SHANK2: variants seen among roughly 807,000 people sequenced by gnomAD.
SHANK2 encodes SH3 and multiple ankyrin repeat domains 2.
Under a neutral mutation model 133.7 loss-of-function variants are expected in SHANK2, and 43 were observed. That is an observed-to-expected ratio of 0.32 (90% CI 0.25 to 0.41). The LOEUF (loss-of-function observed/expected upper bound fraction) is 0.41, where lower values mean the gene tolerates loss of function less well. Among genes scored for constraint, SHANK2 ranks in the 10% least tolerant of loss-of-function variants. SHANK2 has a pLI of 1.00. For synonymous variants in SHANK2, 1,017 were observed against 952.8 expected (o/e 1.07, Z -1.24); for missense variants, 1,994 against 2,235.8 (o/e 0.89, Z 2.18).
chr11:70,791,356 A>G (rs976623372), intron 14 of SHANK2, among the ~76,000 whole-genome samples: 2 of 152,098 alleles, frequency 1.3e-5, no homozygotes, highest in Admixed American at 6.5e-5. Context: ...TTAAGCACCA[A>G]TTTTCTAGAG....
chr11:70,579,198 CA>C (rs1554984858), intron 17 of SHANK2, among the ~76,000 whole-genome samples: 1 of 152,214 alleles, frequency 6.6e-6, no homozygotes, highest in Non-Finnish European at 1.5e-5. Context: ...ATCCCCAGTC[CA>C]ACCCTGCCCT....
intron 11 of SHANK2, among the ~76,000 whole-genome samples, chr11:70,893,812 C>T (rs75289758): frequency 0.035 from 5,252 of 152,226 alleles, 314 homozygotes; most frequent in African/African-American, 0.12. Context: ...GCCAGTCCTG[C>T]TTCTTTCCTG....
At chr11:71,106,759 C>A (rs772265065) in intron 6 of SHANK2, among the ~76,000 whole-genome samples, 14 of 151,948 alleles carry the variant, frequency 9.2e-5, no homozygotes, top group Non-Finnish European at 1.8e-4. Context: ...GTCAAGGCTG[C>A]AGTGAGCTGT....
intron 15 of SHANK2, among the ~76,000 whole-genome samples, chr11:70,675,383 G>A (rs544818256): frequency 7.9e-5 from 12 of 152,252 alleles, no homozygotes; most frequent in Admixed American, 3.9e-4. Context: ...CTGTGATGAC[G>A]CTCACTTTAC....
intron 17 of SHANK2, among the ~76,000 whole-genome samples, chr11:70,606,645 C>T (rs2060582522): frequency 1.3e-5 from 2 of 151,994 alleles, no homozygotes; most frequent in Admixed American, 6.6e-5. Context: ...AGACTCCCCT[C>T]CTGGGCGTCT....
At chr11:70,875,617 T>G (rs1555071063) in intron 11 of SHANK2, among the ~76,000 whole-genome samples, 7 of 152,082 alleles carry the variant, frequency 4.6e-5, no homozygotes, top group African/African-American at 1.4e-4. Context: ...TCCCAACACT[T>G]TGGGAGGCCA....
intron 2 of SHANK2, among the ~76,000 whole-genome samples, chr11:71,153,781 T>C (rs1952848956): frequency 6.6e-6 from 1 of 151,964 alleles, no homozygotes; most frequent in Non-Finnish European, 1.5e-5. Context: ...GACCAGCCGG[T>C]CAACATGGTA....
Position 70,473,499 on chromosome 11 carries a change from C to G in SHANK2, c.4980-60G>C. 1 of 1,554,978 alleles carries G rather than the reference C, an allele frequency of 6.4e-7. No homozygotes were observed. Among genetic ancestry groups the G allele is most frequent in the Non-Finnish European group, 8.8e-7 (1 of 1,142,502 alleles). The stretch of plus-strand genomic sequence containing the variant: ...CAGGTCACCGAGTCAGGGCAGCTGG[C>G]TGCAGATCACCCAGGAAGGCGAGGG... On this transcript the variant is annotated intron_variant, in intron 25 of 25. Transcript: ENST00000601538. This position sits in a 1 kb window ranked among gnomAD's most constrained non-coding sequence, Gnocchi z 5.9.
At chr11:71,114,989 C>T (rs1434629389) in intron 4 of SHANK2, among the ~76,000 whole-genome samples, 4 of 152,068 alleles carry the variant, frequency 2.6e-5, no homozygotes, top group Admixed American at 6.5e-5. Context: ...CAGAGGACAC[C>T]GGCTCAGGAC....
rs536927741 is a variant in SHANK2 at position 70,927,895 on chromosome 11, G to A, written c.1108-31328C>T. Among the ~76,000 whole-genome samples, 8 of 152,158 alleles carry A rather than the reference G, an allele frequency of 5.3e-5. No individual in the cohort carries two copies. The South Asian group carries it at 1.7e-3, about 32-fold the overall frequency. On this transcript the variant is annotated intron_variant, in intron 10 of 25. Transcript: ENST00000601538. ...AAGGGGGCATTAGCTCTCCCCAGCT[G>A]ACTGCTGGAGCTGAACACAAATCGT...
intron 13 of SHANK2, among the ~76,000 whole-genome samples, chr11:70,803,118 G>A (rs12164813): frequency 0.29 from 43,578 of 151,750 alleles, 6,683 homozygotes; most frequent in African/African-American, 0.39. Context: ...CTGCTGTTTG[G>A]GCAGAGGAAA....
intron 17 of SHANK2, among the ~76,000 whole-genome samples, chr11:70,641,873 G>A (rs1472950518): frequency 1.3e-5 from 2 of 152,182 alleles, no homozygotes; most frequent in South Asian, 2.1e-4. Flanking sequence ...GCAGTCCAGC[G>A]GGCAGGCAAG....
intron 6 of SHANK2, among the ~76,000 whole-genome samples, chr11:71,095,470 T>C (rs1951593435): frequency 6.6e-6 from 1 of 152,204 alleles, no homozygotes; most frequent in Non-Finnish European, 1.5e-5. Flanking sequence ...GAGTTCCTCA[T>C]TTGAGAGGCT....
chr11:71,223,665 G>A (rs1555121697), intron 2 of SHANK2, among the ~76,000 whole-genome samples: 1 of 152,184 alleles, frequency 6.6e-6, no homozygotes. Flanking sequence ...GATGCCGAGG[G>A]ATGACTGTAC....
At chr11:70,495,385 C>T (rs935615404) in intron 21 of SHANK2, among the ~76,000 whole-genome samples, 3 of 152,266 alleles carry the variant, frequency 2.0e-5, no homozygotes, top group African/African-American at 7.2e-5. Context: ...GGGCTTCTCC[C>T]CCTTGACTTG....
At chr11:70,900,942 G>T (rs896326383) in intron 10 of SHANK2, among the ~76,000 whole-genome samples, 10 of 152,180 alleles carry the variant, frequency 6.6e-5, no homozygotes, top group Non-Finnish European at 1.2e-4. Context: ...AAGGCAGAGT[G>T]TGGGGTCTGT....
chr11:70,908,169 C>A (rs1213436061), intron 10 of SHANK2: 1 of 256,454 alleles, frequency 3.9e-6, no homozygotes. Context: ...AGCAGTGAAA[C>A]AGATTGTTGC....
chr11:70,744,228 G>T (rs1464284160), intron 14 of SHANK2, among the ~76,000 whole-genome samples: 4 of 152,244 alleles, frequency 2.6e-5, no homozygotes, highest in African/African-American at 9.6e-5. Flanking sequence ...CAAGGCACAG[G>T]GTGGGTCTCT....
At chr11:70,511,289 G>C (rs1187767713) in intron 17 of SHANK2, among the ~76,000 whole-genome samples, 1 of 152,152 alleles carries the variant, frequency 6.6e-6, no homozygotes, top group Non-Finnish European at 1.5e-5. Context: ...AGCAGGGACA[G>C]AGGAAAAAAA....
Sources: gnomAD v4.1 joint callset for allele counts (sites outside exome capture counted in the v4.1 genomes callset) on GRCh38, gnomAD v4.1.1 for gene constraint, Gnocchi (gnomAD v3.1) non-coding constraint, MANE v1.5 for transcripts, NCBI Gene and HGNC (gene_info 2026-07-23, HGNC 2026-07-21) for gene names.